The following NOS1 variants were observed in gnomAD, a reference collection of about 807,000 sequenced individuals.
The protein encoded by NOS1 is nitric oxide synthase 1, also known as NOS type I.
NOS1 carries 51 observed loss-of-function variants against 164.5 expected under a neutral mutation model. The ratio of observed to expected loss-of-function variants is 0.31; its 90% CI spans 0.25 to 0.39. The LOEUF is 0.39. Ranked by LOEUF, NOS1 falls within the 10% of genes least tolerant of loss-of-function variation. The pLI is 1.00. For missense variants in NOS1, 1,362 were observed against 1,885.6 expected (o/e 0.72, Z 5.14); for synonymous variants, 719 against 745.8 (o/e 0.96, Z 0.59).
At chr12:117,290,460 G>C in intron 3 of NOS1, 34 bp from the exon 4 acceptor site, 2 of 1,593,860 alleles carry the variant, frequency 1.3e-6, no homozygotes, top group Non-Finnish European at 1.7e-6. Context: ...AGATGAGGCA[G>C]GGCCTTGAGT....
Position 117,210,316 on chromosome 12 carries a change from C to T in NOS1, c.*4993G>A, listed in dbSNP as rs1956508150. The T allele has an allele frequency of 1.0e-6, 1 of 985,094 alleles. No individual in the cohort carries two copies. Among genetic ancestry groups the T allele is most frequent in the African/African-American group, 1.7e-5 (1 of 57,158 alleles). 61.0% of individuals were successfully genotyped at this position (985,094 alleles called of 1,614,324 possible). ...AAAGAGGACATTTGGATGCAGGAGACTATGAAGGTTGGGGACAGCCAGAGA... is the reference window on the plus strand; with the variant it reads ...AAAGAGGACATTTGGATGCAGGAGATTATGAAGGTTGGGGACAGCCAGAGA... On this transcript the variant is annotated 3_prime_UTR_variant, in exon 29 of 29. Transcript: ENST00000317775.
intron 12 of NOS1, among the ~76,000 whole-genome samples, chr12:117,265,011 A>T (rs991831944): frequency 7.2e-6 from 1 of 138,374 alleles, no homozygotes; most frequent in Non-Finnish European, 1.6e-5. Flanking sequence ...CCTGCTAATT[A>T]AAAAAAAAAA....
At chr12:117,355,455 T>C (rs1243340965) in intron 1 of NOS1, among the ~76,000 whole-genome samples, 1 of 152,082 alleles carries the variant, frequency 6.6e-6, no homozygotes, top group Admixed American at 6.5e-5. Flanking sequence ...GGTTGTAAAC[T>C]AAAATGCCTC....
At chr12:117,333,543 G>T (rs1032832360) in intron 1 of NOS1, among the ~76,000 whole-genome samples, 1 of 152,086 alleles carries the variant, frequency 6.6e-6, no homozygotes, top group Non-Finnish European at 1.5e-5. Flanking sequence ...GGGGGTGTGT[G>T]GGGGGGATAA....
In NOS1 at chr12:117,212,081, C is replaced by T; in HGVS notation, c.*3228G>A. The T allele has an allele frequency of 1.0e-6, 1 of 982,500 alleles. No homozygotes were observed. Among genetic ancestry groups the T allele is most frequent in the Non-Finnish European group, 1.2e-6 (1 of 827,872 alleles). The allele number at this position is 982,500 out of a possible 1,614,324, so 60.9% of individuals were successfully genotyped here. ...ACTCTGTCAAAAAAAAAAATAGATT[C>T]TAACCTTCTGCACGAGAGGAACTGT... On this transcript the variant is annotated 3_prime_UTR_variant, in exon 29 of 29. Transcript: ENST00000317775.
At chr12:117,320,182 C>A (rs1874850570) in intron 2 of NOS1, among the ~76,000 whole-genome samples, 1 of 152,178 alleles carries the variant, frequency 6.6e-6, no homozygotes, top group Non-Finnish European at 1.5e-5. Context: ...AGGTCCTAAA[C>A]CCTTGAACCT....
At position 117,209,057 on chromosome 12, in the gene NOS1, A is replaced by G. The variant is rs964175472; in HGVS notation, c.*6252T>C. On this transcript the variant is annotated 3_prime_UTR_variant, in exon 29 of 29. Transcript: ENST00000317775. ...TTTTTGAAAGCATACTGCCCTCCCC[A>G]TGCCCCCTCCCCCGGACACCCTCAA... 5.1e-6 allele frequency: 5 copies of G among 984,986 alleles called. No homozygotes were observed. In the African/African-American group the frequency reaches 8.8e-5, roughly 17 times the overall value. 61.0% of individuals were successfully genotyped at this position (984,986 alleles called of 1,614,324 possible).
In NOS1 at chr12:117,311,540, G is replaced by A. The variant is rs1245846929; in HGVS notation, c.778C>T (p.Arg260Ter). ...TTCCCCCATAGGTCATTGAAGACTC[G>A]GTCGTTCTCCACGCCGAGGGGCAGA... Reference protein sequence around the residue: ...KPLPLGVENDRVFNDLWGKGN... With the variant: ...KPLPLGVEND Residue 260 changes from arginine (R) to a stop codon, truncating the protein, a stop_gained, in exon 3 of 29, where the codon CGA (arginine) becomes TGA (stop). Transcript: ENST00000317775. LOFTEE classifies it high-confidence loss of function. 2.5e-6 allele frequency: 4 copies of A among 1,612,972 alleles called. No individual in the cohort carries two copies. The highest frequency in any genetic ancestry group is 1.3e-5 in the African/African-American group (1 of 74,914).
chr12:117,227,645 T>C lies in NOS1; in HGVS notation c.3406-4A>G, dbSNP rs1360243364. 22 of 1,613,890 alleles carry C rather than the reference T, an allele frequency of 1.4e-5. No homozygotes were observed. The highest frequency in any genetic ancestry group is 1.9e-5 in the Non-Finnish European group (22 of 1,179,844). On this transcript the variant is annotated splice_region_variant and splice_polypyrimidine_tract_variant and intron_variant, in intron 22 of 28. Coordinates refer to ENST00000317775, the MANE Select transcript of NOS1 (RefSeq NM_000620.5). The stretch of plus-strand genomic sequence containing the variant: ...ATTCCTCGTACTCCTGCAAACCCTG[T>C]GCCAAGGAGATGGACAGAGACAAGC...
chr12:117,220,196 T>C lies in NOS1; in HGVS notation c.4049A>G (p.His1350Arg), dbSNP rs1470828225. ...VYRALKEQGG[H>R]IYVCGDVTMA... Reference sequence around the variant, plus strand: ...GGTGACGTCCCCACAGACGTATATGTGGCCCCCTTGCTCCTTCAGGGCTCG... The same window carrying C: ...GGTGACGTCCCCACAGACGTATATGCGGCCCCCTTGCTCCTTCAGGGCTCG... Residue 1350 changes from histidine to arginine, a missense_variant, in exon 27 of 29, where the codon CAC becomes CGC. Around this residue, in one of 4 missense-constraint regions of NOS1, gnomAD observed 737 missense variants for 1,030.3 expected, o/e 0.72. Transcript: ENST00000317775. The C allele has an allele frequency of 6.2e-7, 1 of 1,613,900 alleles. No individual in the cohort carries two copies. Among genetic ancestry groups the C allele is most frequent in the South Asian group, 1.1e-5 (1 of 91,078 alleles).
chr12:117,298,730 G>A (rs1388169864), intron 3 of NOS1, among the ~76,000 whole-genome samples: 1 of 152,082 alleles, frequency 6.6e-6, no homozygotes, highest in Non-Finnish European at 1.5e-5. Flanking sequence ...GGGAGGACTG[G>A]GTCAGCTTCT....
intron 20 of NOS1, among the ~76,000 whole-genome samples, chr12:117,235,904 A>C (rs1412633615): frequency 2.0e-5 from 3 of 152,170 alleles, no homozygotes; most frequent in Non-Finnish European, 4.4e-5. Context: ...TTAGCTGGGC[A>C]TTGTGGCATG....
chr12:117,283,057 T>TA (rs59524855), intron 7 of NOS1, among the ~76,000 whole-genome samples: 3,410 of 31,488 alleles, frequency 0.11, 47 homozygotes, highest in East Asian at 0.23. Flanking sequence ...TATATATATA[T>TA]TTTTTTTTTT....
At chr12:117,298,436 T>C (rs1328982402) in intron 3 of NOS1, among the ~76,000 whole-genome samples, 1 of 152,184 alleles carries the variant, frequency 6.6e-6, no homozygotes, top group Non-Finnish European at 1.5e-5. Flanking sequence ...AGGCCAGTAC[T>C]GGTCTGTGGC....
At chr12:117,271,427 G>A (rs1327905863) in intron 10 of NOS1, among the ~76,000 whole-genome samples, 1 of 152,158 alleles carries the variant, frequency 6.6e-6, no homozygotes, top group Non-Finnish European at 1.5e-5. Flanking sequence ...ATAGGCGCAA[G>A]CCATCATGCC....
chr12:117,315,128 T>A (rs1416736535), intron 2 of NOS1, among the ~76,000 whole-genome samples: 3 of 152,200 alleles, frequency 2.0e-5, no homozygotes, highest in East Asian at 3.8e-4. Flanking sequence ...ATTAAGACTT[T>A]GTTTAAATAA....
chr12:117,311,576 A>G lies in NOS1; in HGVS notation c.742T>C (p.Ser248Pro). 1 of 1,611,530 alleles carries G rather than the reference A, an allele frequency of 6.2e-7. No homozygotes were observed. Among genetic ancestry groups the G allele is most frequent in the Non-Finnish European group, 8.5e-7 (1 of 1,178,612 alleles). Residue 248 changes from serine (S) to proline (P), a missense_variant, in exon 3 of 29, where the codon TCA becomes CCA. By Grantham distance (74) the Ser-to-Pro change is moderately conservative. Transcript: ENST00000317775. ...IQVDRDLDGK[S>P]HKPLPLGVEN... ...ACGCCGAGGGGCAGAGGTTTGTGTG[A>G]CTTGCCGTCCAAATCTCTGAAAGGC... is the stretch of plus-strand genomic sequence containing the variant.
chr12:117,303,639 A>G (rs1179069064), intron 3 of NOS1, among the ~76,000 whole-genome samples: 2 of 152,134 alleles, frequency 1.3e-5, no homozygotes, highest in African/African-American at 2.4e-5. Context: ...TAAGGGTTTG[A>G]CTGATGCTTA....
Position 117,260,566 on chromosome 12 carries a change from T to C in NOS1, c.2266A>G (p.Lys756Glu). 1 of 1,614,136 alleles carries C rather than the reference T, an allele frequency of 6.2e-7. No homozygotes were observed. Among genetic ancestry groups the C allele is most frequent in the Non-Finnish European group, 8.5e-7 (1 of 1,180,008 alleles). Residue 756 changes from lysine to glutamate, a missense_variant, in exon 14 of 29, where the codon AAG (lysine) becomes GAG (glutamate). Transcript: ENST00000317775. ...TAGAGGATGGTCGCTTTCACCCTCTTGGCCATAGCCTGCCCCATCAGCTTG... is the reference window on the plus strand; with the variant it reads ...TAGAGGATGGTCGCTTTCACCCTCTCGGCCATAGCCTGCCCCATCAGCTTG... ...SAKLMGQAMAKRVKATILYAT... is the reference protein window; with the variant it reads ...SAKLMGQAMAERVKATILYAT...
Sources: gnomAD v4.1 joint callset for allele counts (sites outside exome capture counted in the v4.1 genomes callset) on GRCh38, gnomAD v4.1.1 for gene constraint, gnomAD v4.1.1 regional missense constraint, MANE v1.5 for transcripts, NCBI Gene and HGNC (gene_info 2026-07-23, HGNC 2026-07-21) for gene names.